The following NLRP13 variants were observed in gnomAD, a reference collection of about 807,000 sequenced individuals.
NLRP13 encodes the protein NACHT, LRR and PYD domains-containing protein 13.
Under a neutral mutation model 94.4 loss-of-function variants are expected in NLRP13, and 82 were observed. The observed-to-expected ratio is 0.87, with a 90% CI of 0.73 to 1.04. The LOEUF is 1.04. Among genes scored for constraint, NLRP13 ranks in the 50% least tolerant of loss-of-function variants. The pLI is 0.00. For missense variants in NLRP13, 1,426 were observed against 1,230.8 expected (o/e 1.16, Z -2.37); for synonymous variants, 553 against 464.7 (o/e 1.19, Z -2.45).
At chr19:55,891,973 C>G, downstream of NLRP13, 3 of 604,674 alleles carry the variant, frequency 5.0e-6, no homozygotes, top group Non-Finnish European at 7.2e-6. Context: ...GATCCATGGT[C>G]AAGCCACGTG....
downstream of NLRP13, among the ~76,000 whole-genome samples, chr19:55,892,780 TGTG>T (rs1568683466): frequency 1.3e-5 from 2 of 152,164 alleles, no homozygotes; most frequent in Admixed American, 6.5e-5. Context: ...TGTGAGAACA[TGTG>T]GTATGTGGTT....
chr19:55,911,000 T>C (rs1040807964), intron 5 of NLRP13, among the ~76,000 whole-genome samples: 2 of 152,028 alleles, frequency 1.3e-5, no homozygotes, highest in African/African-American at 2.4e-5. Context: ...TAATCCCAGC[T>C]ACTCAGGAGG....
downstream of NLRP13, among the ~76,000 whole-genome samples, chr19:55,895,448 C>T (rs761295326): frequency 4.0e-5 from 6 of 151,838 alleles, no homozygotes; most frequent in South Asian, 2.1e-4. Context: ...TTTGAGACGC[C>T]GAGGTGGGTG....
chr19:55,931,371 T>C (rs1162708924), intron 1 of NLRP13, among the ~76,000 whole-genome samples: 1 of 151,970 alleles, frequency 6.6e-6, no homozygotes, highest in Non-Finnish European at 1.5e-5. Flanking sequence ...TGCACTCAAA[T>C]TGTTCCCAGT....
Position 55,923,954 on chromosome 19 carries a change from T to C in NLRP13, c.483A>G (p.Gln161=). 2 of 1,613,874 alleles carry C rather than the reference T, an allele frequency of 1.2e-6. No individual in the cohort carries two copies. Among genetic ancestry groups the C allele is most frequent in the Non-Finnish European group, 1.7e-6 (2 of 1,179,798 alleles). ...ETGNVQAQGC[Q]DPNQEEPEML... ...TCTCTGGTTCTTCTTGGTTTGGATC[T>C]TGGCATCCCTGGGCCTGTACATTCC... is the stretch of plus-strand genomic sequence containing the variant. Residue 161 remains glutamine (Q), a synonymous_variant, in exon 4 of 11, where the codon CAA becomes CAG. Coordinates refer to ENST00000342929, the MANE Select transcript of NLRP13 (RefSeq NM_176810.2).
intron 9 of NLRP13, among the ~76,000 whole-genome samples, chr19:55,901,186 C>G (rs993737386): frequency 2.6e-5 from 4 of 152,222 alleles, no homozygotes; most frequent in Non-Finnish European, 5.9e-5. Context: ...CAAAAGATTT[C>G]TCAGCAAAGC....
At chr19:55,910,900 G>A (rs898838222) in intron 5 of NLRP13, among the ~76,000 whole-genome samples, 167 bp from the exon 6 acceptor site, 23 of 152,174 alleles carry the variant, frequency 1.5e-4, no homozygotes, top group Non-Finnish European at 2.6e-4. Flanking sequence ...TTGGGAGACC[G>A]TCGGGAGTTT....
At chr19:55,895,640 A>G (rs1300622382), downstream of NLRP13, among the ~76,000 whole-genome samples, 1 of 150,942 alleles carries the variant, frequency 6.6e-6, no homozygotes, top group East Asian at 2.0e-4. Context: ...TCAAGATGAC[A>G]CAACTGCACT....
intron 6 of NLRP13, among the ~76,000 whole-genome samples, chr19:55,908,918 T>A (rs763388509): frequency 2.6e-4 from 39 of 152,164 alleles, no homozygotes; most frequent in Non-Finnish European, 4.6e-4. Flanking sequence ...AAATGTATTT[T>A]AAAAAAATAA....
chr19:55,932,056 G>C lies in NLRP13; in HGVS notation c.256C>G (p.Leu86Val). The change falls in exon 1 of 11, where the codon CTC (leucine) becomes GTC (valine). Residue 86 changes from leucine to valine, a missense_variant. By Grantham distance (32) the Leu-to-Val change is conservative. Transcript: ENST00000342929. ...FPKGQAWKVV[L>V]GIFQTMNLTS... ...AGATTCATTGTCTGGAAGATGCCGA[G>C]GACCACTTTCCATGCCTGACCTTTT... The C allele has an allele frequency of 6.2e-7, 1 of 1,614,052 alleles. No individual in the cohort carries two copies. Among genetic ancestry groups the C allele is most frequent in the Non-Finnish European group, 8.5e-7 (1 of 1,180,002 alleles).
At position 55,912,886 on chromosome 19, in the gene NLRP13, CAAT is replaced by C. The variant is rs774920200; in HGVS notation, c.928_930del (p.Ile310del). The C allele has an allele frequency of 1.2e-6, 2 of 1,614,028 alleles. No individual in the cohort carries two copies. Among genetic ancestry groups the C allele is most frequent in the African/African-American group, 2.7e-5 (2 of 74,914 alleles). On this transcript the variant is annotated inframe_deletion, in exon 5 of 11. Transcript: ENST00000342929. ...GATATGATTATTTCCTCAAAGCCAT[CAAT>C]AATAAACAGGAGCTTCTCTGGTTGA...
chr19:55,930,897 TAAA>T (rs201775956), intron 1 of NLRP13, among the ~76,000 whole-genome samples: 6,388 of 94,786 alleles, frequency 0.067, 395 homozygotes, highest in East Asian at 0.25. Context: ...TATATATATA[TAAA>T]ATTTTAACCA....
rs1005449556 is a variant in NLRP13 at position 55,911,913 on chromosome 19, A to T, written c.1904T>A (p.Ile635Asn). The T allele has an allele frequency of 6.2e-7, 1 of 1,614,180 alleles. No homozygotes were observed. Among genetic ancestry groups the T allele is most frequent in the Non-Finnish European group, 8.5e-7 (1 of 1,180,010 alleles). Residue 635 changes from isoleucine to asparagine, a missense_variant, in exon 5 of 11, where the codon ATT becomes AAT. By Grantham distance (149) the Ile-to-Asn change is moderately radical (BLOSUM62 -3). Coordinates refer to ENST00000342929, the MANE Select transcript of NLRP13 (RefSeq NM_176810.2). ...GTGTAGGCAGTGAAAAAGTCGTAGA[A>T]TGTGAAATTGGAGAGAGGCACTTTC... ...KAESASLQFH[I>N]LRLFHCLHES...
chr19:55,930,565 A>G (rs576936857), intron 1 of NLRP13, among the ~76,000 whole-genome samples: 3 of 151,854 alleles, frequency 2.0e-5, no homozygotes, highest in Admixed American at 6.6e-5. Flanking sequence ...AGGTGCCTGT[A>G]GTCCCAGCTA....
chr19:55,912,567 G>A lies in NLRP13; in HGVS notation c.1250C>T (p.Thr417Ile). The change falls in exon 5 of 11, where the codon ACT becomes ATT. Residue 417 changes from threonine (T) to isoleucine (I), a missense_variant. Coordinates refer to ENST00000342929, the MANE Select transcript of NLRP13 (RefSeq NM_176810.2). ...KILQQLRKNE[T>I]LFHSCSAPMV... ...GGGGGCACTGCAGGAATGAAAGAGA[G>A]TTTCGTTTTTTCTTAGCTGCTGCAG... is the stretch of plus-strand genomic sequence containing the variant. 6.2e-7 allele frequency: 1 copy of A among 1,614,146 alleles called. No individual in the cohort carries two copies. Among genetic ancestry groups the A allele is most frequent in the Non-Finnish European group, 8.5e-7 (1 of 1,180,010 alleles).
intron 1 of NLRP13, among the ~76,000 whole-genome samples, chr19:55,930,245 T>C (rs1280320611): frequency 6.6e-6 from 1 of 152,248 alleles, no homozygotes; most frequent in East Asian, 1.9e-4. Flanking sequence ...GTCCCAGCTC[T>C]CCTGGTCACC....
chr19:55,899,337 TTAC>T (rs1207302137), intron 9 of NLRP13, among the ~76,000 whole-genome samples: 1 of 151,996 alleles, frequency 6.6e-6, no homozygotes, highest in East Asian at 1.9e-4. Context: ...CCAGAATAAA[TTAC>T]TATACCATAA....
chr19:55,916,946 C>T (rs865936400), intron 4 of NLRP13, among the ~76,000 whole-genome samples: 14 of 151,828 alleles, frequency 9.2e-5, no homozygotes, highest in African/African-American at 2.7e-4. Flanking sequence ...AAGGAAAAAA[C>T]GTCCTAAAAA....
intron 1 of NLRP13, among the ~76,000 whole-genome samples, chr19:55,931,716 A>AGACAG (rs1483125121): frequency 9.4e-6 from 1 of 106,406 alleles, no homozygotes; most frequent in African/African-American, 3.1e-5. Flanking sequence ...GCTCAAAAAA[A>AGACAG]AAAAAAAAAG....
Sources: allele counts gnomAD v4.1 joint callset (sites outside exome capture counted in the v4.1 genomes callset), GRCh38; gene constraint gnomAD v4.1.1; transcripts MANE v1.5; gene names NCBI Gene and HGNC (gene_info 2026-07-23, HGNC 2026-07-21).